Variants in COL2A1 observed in about 807,000 individuals in gnomAD.
COL2A1 encodes collagen alpha-1(II) chain.
A neutral mutation model predicts 204.5 loss-of-function variants in COL2A1; 28 were observed. The ratio of observed to expected loss-of-function variants is 0.14; its 90% CI spans 0.10 to 0.19. The LOEUF is 0.19. Among genes scored for constraint, COL2A1 ranks in the 10% least tolerant of loss-of-function variants. The pLI is 1.00. For synonymous variants in COL2A1, 708 were observed against 718.7 expected (o/e 0.99, Z 0.24); for missense variants, 1,388 against 2,027.5 (o/e 0.68, Z 6.06).
intron 6 of COL2A1, 44 bp from the exon 7 acceptor site, chr12:47,997,751 T>C: frequency 1.2e-6 from 2 of 1,613,736 alleles, no homozygotes. Flanking sequence ...GCAGTGTTTC[T>C]CCAAGAGCCA....
rs1938511488 is a variant in COL2A1 at position 47,973,022 on chromosome 12, A to C, written c.*385T>G. The C allele has an allele frequency of 1.9e-6, 1 of 513,734 alleles. No homozygotes were observed. The highest frequency in any genetic ancestry group is 3.4e-6 in the Non-Finnish European group (1 of 292,782). The allele number at this position is 513,734 out of a possible 1,614,324, so 31.8% of individuals were successfully genotyped here. A position where few individuals can be genotyped will look rare whatever the true frequency, so the allele number is the denominator to read the frequency against. On this transcript the variant is annotated 3_prime_UTR_variant, in exon 54 of 54. Coordinates refer to ENST00000380518, the MANE Select transcript of COL2A1 (RefSeq NM_001844.5). ...TCAATTGATGTTTTAAAAAATACAGAGGTGTTTGACACAGAATAGCACCAT... is the reference window on the plus strand; with the variant it reads ...TCAATTGATGTTTTAAAAAATACAGCGGTGTTTGACACAGAATAGCACCAT...
At position 47,977,584 on chromosome 12, in the gene COL2A1, G is replaced by C. The variant is rs1938794431; in HGVS notation, c.3165+16C>G. On this transcript the variant is annotated intron_variant, in intron 45 of 53. Transcript: ENST00000380518. ...TCCTCCCCAACCCACTGCACACACA[G>C]ACACCAGACACTCACCTTGACTCCA... The C allele has an allele frequency of 4.3e-6, 7 of 1,613,928 alleles. No individual in the cohort carries two copies. The highest frequency in any genetic ancestry group is 2.2e-5 in the South Asian group (2 of 91,076).
At chr12:48,001,651 T>A (rs1452168277) in intron 1 of COL2A1, among the ~76,000 whole-genome samples, 1 of 152,180 alleles carries the variant, frequency 6.6e-6, no homozygotes, top group East Asian at 1.9e-4. Flanking sequence ...GGGGCCAGGC[T>A]GCGCTGGGTG....
At position 47,987,948 on chromosome 12, in the gene COL2A1, T is replaced by C. The variant is rs1024814389; in HGVS notation, c.1123-239A>G. Among the ~76,000 whole-genome samples the C allele has an allele frequency of 6.6e-6, 1 of 152,146 alleles. No homozygotes were observed. Among genetic ancestry groups the C allele is most frequent in the Non-Finnish European group, 1.5e-5 (1 of 68,028 alleles). ...CCTCCTCTACTGCTTACCTCATCTC[T>C]ACACAGTGAGCCTCCACATGCCACG... On this transcript the variant is annotated intron_variant, in intron 18 of 53. Transcript: ENST00000380518. The surrounding 1 kb of genome is among the most constrained non-coding windows in gnomAD (Gnocchi z 4.1).
Position 47,980,457 on chromosome 12 carries a change from T to C in COL2A1, c.2625+97A>G. 8.8e-7 allele frequency: 1 copy of C among 1,141,630 alleles called. No individual in the cohort carries two copies. The highest frequency in any genetic ancestry group is 1.3e-6 in the Non-Finnish European group (1 of 773,884). The allele number at this position is 1,141,630 out of a possible 1,614,324, so 70.7% of individuals were successfully genotyped here. ...ACCAACATGGGGGTGTTCCCAGGCCTGCGAACCATCCTCTGCGCAGCCTGC... is the reference window on the plus strand; with the variant it reads ...ACCAACATGGGGGTGTTCCCAGGCCCGCGAACCATCCTCTGCGCAGCCTGC... On this transcript the variant is annotated intron_variant, in intron 39 of 53. Coordinates refer to ENST00000380518, the MANE Select transcript of COL2A1 (RefSeq NM_001844.5). This position sits in a 1 kb window ranked among gnomAD's most constrained non-coding sequence, Gnocchi z 4.5.
chr12:47,974,748 T>G lies in COL2A1; in HGVS notation c.4001A>C (p.Lys1334Thr). Residue 1334 changes from lysine to threonine, a missense_variant, in exon 52 of 54, where the codon AAG (lysine) becomes ACG (threonine). Lys to Thr is a moderately conservative substitution (Grantham distance 78). This residue lies in a region of COL2A1 where 303 missense variants were observed against 369.2 expected (regional missense o/e 0.82). Transcript: ENST00000380518. ...CTTGCTCTTGCTGCTCCACCAGTTC[T>G]TCTTGGGAACGTTTGCTGGATTGGG... ...VYPNPANVPK[K>T]NWWSSKSKEK... The G allele has an allele frequency of 6.2e-7, 1 of 1,614,220 alleles. No homozygotes were observed. Among genetic ancestry groups the G allele is most frequent in the Non-Finnish European group, 8.5e-7 (1 of 1,180,040 alleles).
rs781133974 is a variant in COL2A1 at position 47,978,250 on chromosome 12, A to G, written c.3003+41T>C. 13 of 1,607,990 alleles carry G rather than the reference A, an allele frequency of 8.1e-6. No individual in the cohort carries two copies. Among genetic ancestry groups the G allele is most frequent in the Non-Finnish European group, 1.1e-5 (13 of 1,175,616 alleles). On this transcript the variant is annotated intron_variant, in intron 43 of 53. Coordinates refer to ENST00000380518, the MANE Select transcript of COL2A1 (RefSeq NM_001844.5). The surrounding 1 kb of genome is among the most constrained non-coding windows in gnomAD (Gnocchi z 5.5). ...GAGGGAGGTAGAAGCCTTGGCAGGC[A>G]GGGCCCAGCTTGGATGGAGGGAGGG...
intron 51 of COL2A1, among the ~76,000 whole-genome samples, 183 bp from the exon 52 acceptor site, chr12:47,975,045 G>A (rs547340226): frequency 6.6e-6 from 1 of 152,196 alleles, no homozygotes; most frequent in Non-Finnish European, 1.5e-5. Flanking sequence ...CATGAGCTAA[G>A]TCCAGCCCTA....
In COL2A1 at chr12:47,993,871, CA is replaced by C; in HGVS notation, c.871-10del. 6.2e-7 allele frequency: 1 copy of C among 1,614,182 alleles called. No homozygotes were observed. The highest frequency in any genetic ancestry group is 8.5e-7 in the Non-Finnish European group (1 of 1,180,022). On this transcript the variant is annotated splice_polypyrimidine_tract_variant and intron_variant, in intron 13 of 53. Transcript: ENST00000380518. ...TCCAGGCCTGGATAACCCTAGGGAA[CA>C]AGAGAAAATGTTCAATCAGACTTCT...
Position 47,980,202 on chromosome 12 carries a change from C to T in COL2A1, c.2626-140G>A. 1.3e-6 allele frequency: 1 copy of T among 762,008 alleles called. No individual in the cohort carries two copies. The highest frequency in any genetic ancestry group is 2.7e-5 in the East Asian group (1 of 37,464). The allele number at this position is 762,008 out of a possible 1,614,324, so 47.2% of individuals were successfully genotyped here. ...CTAAAAACCCAGCCTGAAGAGGCTGCCACAGGCAGCTCTGTCCCCTCTGCC... is the reference window on the plus strand; with the variant it reads ...CTAAAAACCCAGCCTGAAGAGGCTGTCACAGGCAGCTCTGTCCCCTCTGCC... On this transcript the variant is annotated intron_variant, in intron 39 of 53. Coordinates refer to ENST00000380518, the MANE Select transcript of COL2A1 (RefSeq NM_001844.5). This position sits in a 1 kb window ranked among gnomAD's most constrained non-coding sequence, Gnocchi z 4.5.
intron 2 of COL2A1, chr12:47,999,655 T>TTTTTTA: frequency 5.4e-6 from 1 of 185,846 alleles, no homozygotes; most frequent in Non-Finnish European, 1.1e-5. Context: ...TTTTTTTTTG[T>TTTTTTA]AGAATCACAT....
At chr12:47,977,703 C>G (rs748369672) in intron 44 of COL2A1, 50 bp from the exon 45 acceptor site, 20 of 1,587,176 alleles carry the variant, frequency 1.3e-5, no homozygotes, top group Middle Eastern at 3.3e-4. Flanking sequence ...CTGCCCATCT[C>G]CCCCTCTGCT....
rs1159923861 is a variant in COL2A1 at position 47,999,687 on chromosome 12, A to C, written c.292+232T>G. ...ACATCTGTCCTTCATGTGTCTTGGAAGCAAATGTTTTTGGAGATGTTGGGC... is the reference window on the plus strand; with the variant it reads ...ACATCTGTCCTTCATGTGTCTTGGACGCAAATGTTTTTGGAGATGTTGGGC... On this transcript the variant is annotated intron_variant, in intron 2 of 53. Transcript: ENST00000380518. The C allele has an allele frequency of 1.3e-5, 5 of 377,732 alleles. No homozygotes were observed. The Admixed American group carries it at 1.5e-4, about 11-fold the overall frequency. The allele number at this position is 377,732 out of a possible 1,614,324, so 23.4% of individuals were successfully genotyped here.
chr12:47,973,770 C>G (rs1938552139), intron 53 of COL2A1, among the ~76,000 whole-genome samples: 1 of 152,144 alleles, frequency 6.6e-6, no homozygotes, highest in African/African-American at 2.4e-5. Flanking sequence ...CCTGCCCTTC[C>G]CCTCCTTCCC....
At position 47,986,551 on chromosome 12, in the gene COL2A1, G is replaced by A. The variant is rs55971353; in HGVS notation, c.1420-108C>T. On this transcript the variant is annotated intron_variant, in intron 22 of 53. Coordinates refer to ENST00000380518, the MANE Select transcript of COL2A1 (RefSeq NM_001844.5). Reference sequence around the variant, plus strand: ...GCCTTGGCAACTGTTTCAGGGCTGGGGGGGGGCTTGAGGACGAGAGGCCAT... The same window carrying A: ...GCCTTGGCAACTGTTTCAGGGCTGGAGGGGGGCTTGAGGACGAGAGGCCAT... The A allele has an allele frequency of 2.1e-4, 163 of 775,746 alleles. 2 individuals carry two copies. The highest frequency in any genetic ancestry group is 1.6e-3 in the South Asian group (101 of 63,764). The allele number at this position is 775,746 out of a possible 1,614,324, so 48.1% of individuals were successfully genotyped here. A position where few individuals can be genotyped will look rare whatever the true frequency, so the allele number is the denominator to read the frequency against.
intron 28 of COL2A1, 83 bp from the exon 29 acceptor site, chr12:47,984,223 T>C (rs1045730655): frequency 7.5e-7 from 1 of 1,329,794 alleles, no homozygotes; most frequent in African/African-American, 1.4e-5. Context: ...AAGGTACTTC[T>C]GGCCCAGAGT....
rs1565680607 is a variant in COL2A1, at chr12:47,984,574, T to C, written c.1859A>G (p.Lys620Arg). The C allele has an allele frequency of 6.2e-7, 1 of 1,614,130 alleles. No homozygotes were observed. The highest frequency in any genetic ancestry group is 1.7e-5 in the Admixed American group (1 of 60,032). Reference protein sequence around the residue: ...ANGEPGKAGEKGLPGAPGLRG... With the variant: ...ANGEPGKAGERGLPGAPGLRG... Reference sequence around the variant, plus strand: ...CAGACCAGGAGCACCAGGCAGTCCCTTCTCACCAGCTTTGCCAGGCTCACC... The same window carrying C: ...CAGACCAGGAGCACCAGGCAGTCCCCTCTCACCAGCTTTGCCAGGCTCACC... The change falls in exon 28 of 54, where the codon AAG (lysine) becomes AGG (arginine). Residue 620 changes from lysine to arginine, a missense_variant. Physicochemically the swap from Lys to Arg is conservative, Grantham distance 26. This residue lies in a region of COL2A1 where 884 missense variants were observed against 1,415.8 expected (regional missense o/e 0.62). Coordinates refer to ENST00000380518, the MANE Select transcript of COL2A1 (RefSeq NM_001844.5).
At chr12:47,994,351 A>G in intron 12 of COL2A1, 73 bp downstream of exon 12, 1 of 1,503,740 alleles carries the variant, frequency 6.7e-7, no homozygotes, top group Admixed American at 1.7e-5. Context: ...ATTGAACTGG[A>G]TGCACTGTGT....
At chr12:47,981,663 T>A in intron 36 of COL2A1, 113 bp downstream of exon 36, 1 of 1,276,448 alleles carries the variant, frequency 7.8e-7, no homozygotes, top group Non-Finnish European at 1.1e-6. Flanking sequence ...CCTACGGCCT[T>A]GGCCGAGGGT....
Sources: gnomAD v4.1 joint callset for allele counts (sites outside exome capture counted in the v4.1 genomes callset) on GRCh38, gnomAD v4.1.1 for gene constraint, gnomAD v4.1.1 regional missense constraint, Gnocchi (gnomAD v3.1) non-coding constraint, MANE v1.5 for transcripts, NCBI Gene and HGNC (gene_info 2026-07-23, HGNC 2026-07-21) for gene names.